PLOD2: variants seen among roughly 807,000 people sequenced by gnomAD.
PLOD2 encodes procollagen-lysine,2-oxoglutarate 5-dioxygenase 2.
Under a neutral mutation model 101.0 loss-of-function variants are expected in PLOD2, and 65 were observed. That is an observed-to-expected ratio of 0.64 (90% CI 0.53 to 0.79). The LOEUF is 0.79. Among genes scored for constraint, PLOD2 ranks in the 30% least tolerant of loss-of-function variants. The probability of loss-of-function intolerance (pLI) is 0.00; values close to 1 mark genes in which losing one functional copy is unlikely to be tolerated. For synonymous variants in PLOD2, 314 were observed against 302.9 expected (o/e 1.04, Z -0.38); for missense variants, 909 against 914.6 (o/e 0.99, Z 0.08).
intron 8 of PLOD2, among the ~76,000 whole-genome samples, chr3:146,089,633 T>C (rs572173779): frequency 1.1e-4 from 16 of 151,748 alleles, no homozygotes; most frequent in African/African-American, 3.6e-4. Context: ...ACCTCACACA[T>C]TACTCCATTA....
chr3:146,135,117 A>G (rs967807546), intron 1 of PLOD2, among the ~76,000 whole-genome samples: 9 of 152,156 alleles, frequency 5.9e-5, no homozygotes, highest in African/African-American at 2.2e-4. Flanking sequence ...TTGATTTTAT[A>G]TCTTCCATTG....
chr3:146,101,851 A>G (rs1937400133), intron 7 of PLOD2, among the ~76,000 whole-genome samples: 1 of 152,230 alleles, frequency 6.6e-6, no homozygotes, highest in South Asian at 2.1e-4. Context: ...GGCACAAGAT[A>G]GAGATTGCTT....
intron 1 of PLOD2, among the ~76,000 whole-genome samples, chr3:146,129,069 C>T (rs1287630258): frequency 2.0e-5 from 3 of 151,800 alleles, no homozygotes; most frequent in African/African-American, 7.3e-5. Context: ...ATTATTGTGC[C>T]ACAGAAGTAA....
At position 146,070,055 on chromosome 3, in the gene PLOD2, CAT is replaced by C. The variant is rs1462142251; in HGVS notation, c.*660_*661del. ...CTTTGGAAGATTCATCTGAAAGAAA[CAT>C]AGGGTTTGATTTTTAATACTAATAT... On this transcript the variant is annotated 3_prime_UTR_variant, in exon 20 of 20. Coordinates refer to ENST00000282903, the MANE Select transcript of PLOD2 (RefSeq NM_182943.3). 1.3e-5 allele frequency: 2 copies of C among 151,846 alleles called. No homozygotes were observed. Among genetic ancestry groups the C allele is most frequent in the African/African-American group, 4.8e-5 (2 of 41,422 alleles). 9.4% of individuals were successfully genotyped at this position (151,846 alleles called of 1,614,324 possible).
chr3:146,094,448 A>T (rs1325918763), intron 7 of PLOD2, among the ~76,000 whole-genome samples: 1 of 152,090 alleles, frequency 6.6e-6, no homozygotes, highest in African/African-American at 2.4e-5. Flanking sequence ...CCAATAATAG[A>T]CAGAGAGCCA....
intron 3 of PLOD2, among the ~76,000 whole-genome samples, chr3:146,118,840 C>T (rs369145217): frequency 6.6e-6 from 1 of 152,042 alleles, no homozygotes; most frequent in African/African-American, 2.4e-5. Context: ...TCTGTTTAAC[C>T]AGAATCCATT....
At chr3:146,071,485 A>G (rs1936132922) in intron 17 of PLOD2, 62 bp from the exon 18 acceptor site, 2 of 1,502,226 alleles carry the variant, frequency 1.3e-6, no homozygotes, top group Admixed American at 1.7e-5. Flanking sequence ...TTTATATTAT[A>G]GTATTTTTTT....
chr3:146,130,910 C>T (rs949705023), intron 1 of PLOD2, among the ~76,000 whole-genome samples: 3 of 152,136 alleles, frequency 2.0e-5, no homozygotes, highest in Non-Finnish European at 4.4e-5. Flanking sequence ...AGTTGGATTC[C>T]ATATGGTTTC....
At chr3:146,094,215 C>T (rs1576587632) in intron 7 of PLOD2, among the ~76,000 whole-genome samples, 1 of 152,168 alleles carries the variant, frequency 6.6e-6, no homozygotes, top group Admixed American at 6.5e-5. Flanking sequence ...CTTTTCCGCC[C>T]AAATCCTTTC....
intron 1 of PLOD2, among the ~76,000 whole-genome samples, chr3:146,146,498 G>C (rs2031785688): frequency 6.6e-6 from 1 of 152,136 alleles, no homozygotes; most frequent in African/African-American, 2.4e-5. Context: ...GTGGGAACTG[G>C]GGAGGAGGGC....
intron 4 of PLOD2, among the ~76,000 whole-genome samples, chr3:146,107,176 T>C (rs1436344880): frequency 6.6e-6 from 1 of 152,230 alleles, no homozygotes; most frequent in Admixed American, 6.5e-5. Context: ...TAAGACATTT[T>C]GGAAATGTTT....
At chr3:146,090,931 C>T (rs1936951225) in intron 8 of PLOD2, among the ~76,000 whole-genome samples, 1 of 151,778 alleles carries the variant, frequency 6.6e-6, no homozygotes, top group Non-Finnish European at 1.5e-5. Flanking sequence ...AATGACAAAA[C>T]TCCCTAGAAT....
At chr3:146,099,758 G>A (rs1937319976) in intron 7 of PLOD2, among the ~76,000 whole-genome samples, 1 of 151,916 alleles carries the variant, frequency 6.6e-6, no homozygotes, top group African/African-American at 2.4e-5. Context: ...GGAAAAGTGG[G>A]GTTCTACCAG....
At position 146,101,652 on chromosome 3, in the gene PLOD2, T is replaced by C. The variant is rs137980794; in HGVS notation, c.777+1103A>G. 2.3e-3 allele frequency among the ~76,000 whole-genome samples: 354 copies of C among 152,286 alleles called. 1 individual carries two copies. The highest frequency in any genetic ancestry group is 8.2e-3 in the African/African-American group (340 of 41,554). ...CGAGTTATCTATATTTTAAGAAACT[T>C]TGGCTGTGAAGGGGAGGAGAAAAGC... On this transcript the variant is annotated intron_variant, in intron 7 of 19. Coordinates refer to ENST00000282903, the MANE Select transcript of PLOD2 (RefSeq NM_182943.3).
At chr3:146,082,650 T>C (rs1281841992) in intron 11 of PLOD2, among the ~76,000 whole-genome samples, 1 of 152,148 alleles carries the variant, frequency 6.6e-6, no homozygotes, top group Non-Finnish European at 1.5e-5. Flanking sequence ...CCCAGCACTT[T>C]GGGAAGCCGA....
intron 1 of PLOD2, among the ~76,000 whole-genome samples, chr3:146,144,708 T>C (rs1220347754): frequency 1.3e-5 from 2 of 152,110 alleles, no homozygotes; most frequent in Non-Finnish European, 2.9e-5. Context: ...TTAAAAATCA[T>C]GGCTTGAAGA....
At chr3:146,075,854 G>C (rs1282461307) in intron 15 of PLOD2, 1 of 151,608 alleles carries the variant, frequency 6.6e-6, no homozygotes, top group African/African-American at 2.4e-5. Context: ...ATAAAAACAA[G>C]TTATTGGTCA....
intron 3 of PLOD2, among the ~76,000 whole-genome samples, chr3:146,120,668 C>G (rs1015842949): frequency 5.9e-5 from 9 of 152,166 alleles, no homozygotes; most frequent in Non-Finnish European, 1.2e-4. Context: ...AAACTACCAT[C>G]AGAGCGAACG....
chr3:146,076,749 G>T, intron 15 of PLOD2, 33 bp downstream of exon 15: 1 of 1,023,950 alleles, frequency 9.8e-7, no homozygotes, highest in Non-Finnish European at 1.5e-6. Flanking sequence ...TACAGTTATA[G>T]AAAAATAATA....
Sources: allele counts gnomAD v4.1 joint callset (sites outside exome capture counted in the v4.1 genomes callset), GRCh38; gene constraint gnomAD v4.1.1; transcripts MANE v1.5; gene names NCBI Gene and HGNC (gene_info 2026-07-23, HGNC 2026-07-21).